Variants in PLVAP observed in about 807,000 individuals in gnomAD.
PLVAP encodes the protein plasmalemma vesicle associated protein.
In PLVAP, 34 loss-of-function variants were observed where a neutral mutation model predicts 43.1. That is an observed-to-expected ratio of 0.79 (90% CI 0.60 to 1.05). PLVAP has a LOEUF of 1.05. PLVAP is among the 50% of genes least tolerant of loss of function. The pLI is 0.00. For synonymous variants in PLVAP, 241 were observed against 237.3 expected (o/e 1.02, Z -0.14); for missense variants, 574 against 593.4 (o/e 0.97, Z 0.34).
intron 5 of PLVAP, among the ~76,000 whole-genome samples, chr19:17,358,260 C>G (rs1298112415): frequency 2.6e-5 from 3 of 113,544 alleles, no homozygotes. Context: ...AGAGGGTATG[C>G]AAGAAGGAAA....
rs538463647 is a variant in PLVAP, at chr19:17,371,728, C to G, written c.369+5192G>C. ...AAACTGCTGAGCTCAAGCAATCCAC[C>G]CACCTTGGCCTCCCAAAATGTTGGG... On this transcript the variant is annotated intron_variant, in intron 1 of 5. Transcript: ENST00000252590. 7.2e-5 allele frequency among the ~76,000 whole-genome samples: 11 copies of G among 152,248 alleles called. No individual in the cohort carries two copies. In the South Asian group the frequency reaches 2.3e-3, roughly 32 times the overall value.
At chr19:17,358,624 T>C (rs185700019) in intron 5 of PLVAP, among the ~76,000 whole-genome samples, 8 of 152,226 alleles carry the variant, frequency 5.3e-5, no homozygotes, top group Admixed American at 5.2e-4. Context: ...CAGGCCACCC[T>C]CTGAGAAGTG....
intron 5 of PLVAP, among the ~76,000 whole-genome samples, chr19:17,357,289 A>C (rs1173184436): frequency 6.6e-6 from 1 of 151,402 alleles, no homozygotes; most frequent in Admixed American, 6.6e-5. Flanking sequence ...GTGAGAGTCC[A>C]TCTCAAAAAA....
At chr19:17,369,280 G>A (rs995269402) in intron 1 of PLVAP, among the ~76,000 whole-genome samples, 3 of 151,358 alleles carry the variant, frequency 2.0e-5, no homozygotes, top group African/African-American at 7.3e-5. Flanking sequence ...CCGTCTCCCG[G>A]GTTCAAGTGA....
intron 5 of PLVAP, among the ~76,000 whole-genome samples, chr19:17,356,167 G>A (rs150661682): frequency 7.2e-4 from 110 of 152,208 alleles, no homozygotes; most frequent in Non-Finnish European, 1.1e-3. Context: ...AAAAATAACC[G>A]GGCATGCTGG....
chr19:17,356,941 G>A (rs113384768), intron 5 of PLVAP, among the ~76,000 whole-genome samples: 13,591 of 151,038 alleles, frequency 0.09, 783 homozygotes, highest in Non-Finnish European at 0.13. Context: ...CCTGGGCAAC[G>A]AGAGAGAAAC....
Position 17,377,217 on chromosome 19 carries a change from G to A in PLVAP, c.72C>T (p.Tyr24=). ...AGACGAAGAGGAAGAAGTAGCGCAGGTAATACCAGCAGCCCCGAGAGCTGC... is the reference window on the plus strand; with the variant it reads ...AGACGAAGAGGAAGAAGTAGCGCAGATAATACCAGCAGCCCCGAGAGCTGC... ...AGGSSRGCWY[Y]LRYFFLFVSL... Residue 24 remains tyrosine (Y), a synonymous_variant, in exon 1 of 6, where the codon TAC becomes TAT. Coordinates refer to ENST00000252590, the MANE Select transcript of PLVAP (RefSeq NM_031310.3). The A allele has an allele frequency of 6.2e-7, 1 of 1,614,156 alleles. No individual in the cohort carries two copies. The highest frequency in any genetic ancestry group is 8.5e-7 in the Non-Finnish European group (1 of 1,180,018).
Position 17,352,218 on chromosome 19 carries a change from T to C in PLVAP, c.*144A>G. ...GCGGGTGTGAGAGGGTACTAGGGGT[T>C]TGCATGCAGGGAGTTGTCTGATGGT... On this transcript the variant is annotated 3_prime_UTR_variant, in exon 6 of 6. Coordinates refer to ENST00000252590, the MANE Select transcript of PLVAP (RefSeq NM_031310.3). 1.8e-6 allele frequency: 2 copies of C among 1,138,838 alleles called. No individual in the cohort carries two copies. Among genetic ancestry groups the C allele is most frequent in the Non-Finnish European group, 2.5e-6 (2 of 787,328 alleles). The allele number at this position is 1,138,838 out of a possible 1,614,324, so 70.5% of individuals were successfully genotyped here. A position where few individuals can be genotyped will look rare whatever the true frequency, so the allele number is the denominator to read the frequency against.
At position 17,371,689 on chromosome 19, in the gene PLVAP, C is replaced by T. The variant is rs537009630; in HGVS notation, c.369+5231G>A. ...ATAGAGATGGGGTCTCACCATGTTG[C>T]CCAGGCTGGTCTTAAACTGCTGAGC... On this transcript the variant is annotated intron_variant, in intron 1 of 5. Coordinates refer to ENST00000252590, the MANE Select transcript of PLVAP (RefSeq NM_031310.3). Among the ~76,000 whole-genome samples the T allele has an allele frequency of 1.4e-4, 22 of 152,072 alleles. 1 individual carries two copies. Among genetic ancestry groups the T allele is most frequent in the Admixed American group, 6.6e-4 (10 of 15,228 alleles).
rs1599573859 is a variant in PLVAP, at chr19:17,361,917, A to T, written c.1180-1085T>A. 3.0e-5 allele frequency among the ~76,000 whole-genome samples: 3 copies of T among 100,362 alleles called. No homozygotes were observed. In the East Asian group the frequency reaches 1.0e-3, roughly 34 times the overall value. The allele number at this position is 100,362 out of a possible 152,430, so 65.8% of individuals were successfully genotyped here. ...AAACCCCATCTCTACTAAAAATAAA[A>T]AAAAATAAAAAAAAAAAAATCAGCC... On this transcript the variant is annotated intron_variant, in intron 3 of 5. Coordinates refer to ENST00000252590, the MANE Select transcript of PLVAP (RefSeq NM_031310.3).
intron 1 of PLVAP, among the ~76,000 whole-genome samples, chr19:17,372,464 A>T (rs985396473): frequency 2.5e-4 from 38 of 149,220 alleles, no homozygotes; most frequent in South Asian, 8.5e-4. Flanking sequence ...TTATTTATTT[A>T]TTTATTTTTT....
At chr19:17,374,169 C>A (rs540559750) in intron 1 of PLVAP, among the ~76,000 whole-genome samples, 47 of 151,582 alleles carry the variant, frequency 3.1e-4, no homozygotes, top group African/African-American at 1.0e-3. Flanking sequence ...TCAAACAAAA[C>A]AAAATAAAAC....
At chr19:17,359,693 C>CTTTTTT (rs10617408) in intron 5 of PLVAP, among the ~76,000 whole-genome samples, 9,292 of 115,832 alleles carry the variant, frequency 0.08, 697 homozygotes, top group Non-Finnish European at 0.12. Context: ...TACCCGGCCT[C>CTTTTTT]TTTTTTTTTT....
In PLVAP at chr19:17,360,861, T is replaced by C. The variant is rs746872213; in HGVS notation, c.1180-29A>G. ...TGAAAGAAAGATGGAGGGAGGTTGG[T>C]AGGAGCCAGGGCTTCCCAGACAGGC... On this transcript the variant is annotated intron_variant, in intron 3 of 5. Coordinates refer to ENST00000252590, the MANE Select transcript of PLVAP (RefSeq NM_031310.3). 5.0e-6 allele frequency: 8 copies of C among 1,597,508 alleles called. No homozygotes were observed. The Admixed American group carries it at 1.2e-4, about 23-fold the overall frequency.
chr19:17,366,180 T>G lies in PLVAP; in HGVS notation c.385A>C (p.Asn129His). 6.2e-7 allele frequency: 1 copy of G among 1,614,156 alleles called. No homozygotes were observed. The highest frequency in any genetic ancestry group is 8.5e-7 in the Non-Finnish European group (1 of 1,180,012). ...ATGATGGCAGCCATGTACCTCTGAT[T>G]GTTCGTGTAGATGACCTGCCCGGAA... ...CQGDRVIYTNNQRYMAAIILS... is the reference protein window; with the variant it reads ...CQGDRVIYTNHQRYMAAIILS... Residue 129 changes from asparagine (N) to histidine (H), a missense_variant, in exon 2 of 6, where the codon AAT (asparagine) becomes CAT (histidine). Coordinates refer to ENST00000252590, the MANE Select transcript of PLVAP (RefSeq NM_031310.3).
At chr19:17,368,844 G>T (rs2145724702) in intron 1 of PLVAP, among the ~76,000 whole-genome samples, 2 of 152,266 alleles carry the variant, frequency 1.3e-5, no homozygotes, top group Non-Finnish European at 2.9e-5. Context: ...AGGGCATGTT[G>T]GTGGGCACCC....
intron 3 of PLVAP, 48 bp from the exon 4 acceptor site, chr19:17,360,880 G>T: frequency 6.8e-7 from 1 of 1,479,726 alleles, no homozygotes; most frequent in Non-Finnish European, 9.4e-7. Context: ...GGGCTTCCCA[G>T]ACAGGCTTCT....
chr19:17,357,125 T>G (rs1036429473), intron 5 of PLVAP, among the ~76,000 whole-genome samples: 1 of 151,240 alleles, frequency 6.6e-6, no homozygotes, highest in Non-Finnish European at 1.5e-5. Flanking sequence ...TTTACAAATT[T>G]TGTAGAAAAA....
intron 5 of PLVAP, among the ~76,000 whole-genome samples, chr19:17,355,804 G>T (rs1197961395): frequency 1.3e-5 from 2 of 152,120 alleles, no homozygotes; most frequent in Non-Finnish European, 2.9e-5. Flanking sequence ...AAAGTTCTGG[G>T]ATTACAGGTG....
Sources: allele counts gnomAD v4.1 joint callset (sites outside exome capture counted in the v4.1 genomes callset), GRCh38; gene constraint gnomAD v4.1.1; transcripts MANE v1.5; gene names NCBI Gene and HGNC (gene_info 2026-07-23, HGNC 2026-07-21).